ANXA8: variants seen among roughly 807,000 people sequenced by gnomAD.
ANXA8 encodes annexin A8, also known as VAC-beta.
In ANXA8, 9 loss-of-function variants were observed where a neutral mutation model predicts 26.8. The ratio of observed to expected loss-of-function variants is 0.34; its 90% CI spans 0.20 to 0.59. The LOEUF (loss-of-function observed/expected upper bound fraction) is 0.59. Among genes scored for constraint, ANXA8 ranks in the 20% least tolerant of loss-of-function variants. The pLI, the probability that ANXA8 is intolerant of heterozygous loss-of-function variation, is 0.84. For missense variants in ANXA8, 83 were observed against 238.5 expected (o/e 0.35, Z 4.29); for synonymous variants, 39 against 94.8 (o/e 0.41, Z 3.42).
At chr10:47,951,962 CA>C in the ANXA8 span, among the ~76,000 whole-genome samples, 1 of 150,378 alleles carries the variant, frequency 6.6e-6, no homozygotes, top group Non-Finnish European at 1.5e-5. Flanking sequence ...TGCAATTGAC[CA>C]ATCAATGAAT....
At chr10:47,687,765 T>C in the ANXA8 span, among the ~76,000 whole-genome samples, 5 of 151,976 alleles carry the variant, frequency 3.3e-5, no homozygotes, top group African/African-American at 1.2e-4. Flanking sequence ...GGTTGGAATA[T>C]GTAGTTATAG....
the ANXA8 span, among the ~76,000 whole-genome samples, chr10:47,658,043 A>T: frequency 6.6e-6 from 1 of 151,792 alleles, no homozygotes; most frequent in Non-Finnish European, 1.5e-5. Context: ...TCTTTTCCAA[A>T]GTGGTTTTCT....
chr10:47,667,016 C>T, the ANXA8 span, among the ~76,000 whole-genome samples: 13 of 152,048 alleles, frequency 8.5e-5, no homozygotes, highest in African/African-American at 3.1e-4. Flanking sequence ...TTTCCCATTT[C>T]CTTCACTTAC....
At chr10:47,528,031 A>G in the ANXA8 span, among the ~76,000 whole-genome samples, 4 of 143,214 alleles carry the variant, frequency 2.8e-5, no homozygotes, top group Admixed American at 2.8e-4. Context: ...TATTTCTGGT[A>G]AAGGAAAGGT....
the ANXA8 span, among the ~76,000 whole-genome samples, chr10:47,628,803 A>G: frequency 8.0e-5 from 12 of 149,580 alleles, no homozygotes; most frequent in Non-Finnish European, 1.5e-4. Context: ...ATTTGTGAAG[A>G]TTAAAAGAAA....
At chr10:47,509,153 T>G in the ANXA8 span, among the ~76,000 whole-genome samples, 1 of 134,612 alleles carries the variant, frequency 7.4e-6, no homozygotes, top group African/African-American at 3.1e-5. Flanking sequence ...TCAGCAAAAT[T>G]AATCTTCAAA....
the ANXA8 span, among the ~76,000 whole-genome samples, chr10:47,945,471 C>G: frequency 6.6e-6 from 1 of 150,928 alleles, no homozygotes; most frequent in East Asian, 2.0e-4. Flanking sequence ...GCCTCACTAA[C>G]CTTCCTGGCC....
chr10:47,484,110 G>C lies in ANXA8; in HGVS notation c.-177C>G. ...CCTGCCTGCCGTCCCCTCGCCCCCG[G>C]GCTCTGCCTGGCTTTGGGCATCTCC... On this transcript the variant is annotated 5_prime_UTR_variant, in exon 1 of 12. Transcript: ENST00000585281. The C allele has an allele frequency of 1.3e-6, 2 of 1,519,172 alleles. No homozygotes were observed. The highest frequency in any genetic ancestry group is 2.3e-5 in the South Asian group (2 of 87,398). 94.1% of individuals were successfully genotyped at this position (1,519,172 alleles called of 1,614,324 possible).
At chr10:47,528,020 C>T in the ANXA8 span, among the ~76,000 whole-genome samples, 1 of 143,202 alleles carries the variant, frequency 7.0e-6, no homozygotes, top group Non-Finnish European at 1.5e-5. Flanking sequence ...GACACTAGAG[C>T]TATTTCTGGT....
chr10:47,975,209 G>T, the ANXA8 span, among the ~76,000 whole-genome samples: 1 of 149,560 alleles, frequency 6.7e-6, no homozygotes, highest in East Asian at 2.1e-4. Context: ...CAATAGATTG[G>T]TGGTGGCTGC....
At chr10:47,476,189 C>T in intron 5 of ANXA8, 43 bp downstream of exon 5, 1 of 323,810 alleles carries the variant, frequency 3.1e-6, no homozygotes, top group African/African-American at 7.9e-5. Flanking sequence ...GCTGCCAAAG[C>T]TTGTGGCCAC....
chr10:47,700,760 T>A, the ANXA8 span, among the ~76,000 whole-genome samples: 1 of 150,664 alleles, frequency 6.6e-6, no homozygotes, highest in East Asian at 2.0e-4. Context: ...AAGGCTAATA[T>A]CCCTAATATA....
chr10:47,555,137 G>A, the ANXA8 span, among the ~76,000 whole-genome samples: 5 of 150,754 alleles, frequency 3.3e-5, no homozygotes, highest in Admixed American at 6.6e-5. Flanking sequence ...GCTCCTGCAG[G>A]CGGTTGACTT....
the ANXA8 span, among the ~76,000 whole-genome samples, chr10:47,895,061 A>G: frequency 6.6e-6 from 1 of 152,032 alleles, no homozygotes; most frequent in Non-Finnish European, 1.5e-5. Flanking sequence ...CACATACACC[A>G]TACTCACATG....
the ANXA8 span, among the ~76,000 whole-genome samples, chr10:47,679,398 G>A: frequency 1.3e-5 from 2 of 152,378 alleles, no homozygotes; most frequent in Non-Finnish European, 2.9e-5. Context: ...CCCGGAGTTT[G>A]AGACCAGCCT....
chr10:47,936,865 C>T, the ANXA8 span, among the ~76,000 whole-genome samples: 2 of 152,008 alleles, frequency 1.3e-5, no homozygotes, highest in Non-Finnish European at 2.9e-5. Context: ...TGGATTTTCC[C>T]TGATGAACTC....
the ANXA8 span, among the ~76,000 whole-genome samples, chr10:47,680,319 T>C: frequency 3.3e-5 from 5 of 151,946 alleles, no homozygotes; most frequent in African/African-American, 9.7e-5. Flanking sequence ...TGGATCATTA[T>C]GCAACATGGA....
chr10:47,651,192 C>G, the ANXA8 span, among the ~76,000 whole-genome samples: 1 of 151,082 alleles, frequency 6.6e-6, no homozygotes, highest in South Asian at 2.1e-4. Context: ...AGAGCAAGAC[C>G]CTGTCTCTAA....
At chr10:47,674,715 A>C in the ANXA8 span, among the ~76,000 whole-genome samples, 1 of 151,738 alleles carries the variant, frequency 6.6e-6, no homozygotes, top group Non-Finnish European at 1.5e-5. Context: ...CTTCTTCCTC[A>C]TTTATTTATC....
Sources: allele counts gnomAD v4.1 joint callset (sites outside exome capture counted in the v4.1 genomes callset), GRCh38; gene constraint gnomAD v4.1.1; transcripts MANE v1.5; gene names NCBI Gene and HGNC (gene_info 2026-07-23, HGNC 2026-07-21).